The following THSD4 variants were observed in gnomAD, a reference collection of about 807,000 sequenced individuals.
THSD4 encodes thrombospondin type-1 domain-containing protein 4.
In THSD4, 69 loss-of-function variants were observed where a neutral mutation model predicts 119.0. That is an observed-to-expected ratio of 0.58 (90% CI 0.48 to 0.71). THSD4 has a LOEUF of 0.71. Ranked by LOEUF, THSD4 falls within the 30% of genes least tolerant of loss-of-function variation. The pLI, the probability that THSD4 is intolerant of heterozygous loss-of-function variation, is 0.00. For synonymous variants in THSD4, 524 were observed against 540.4 expected (o/e 0.97, Z 0.42); for missense variants, 1,393 against 1,391.1 (o/e 1.00, Z -0.02).
intron 6 of THSD4, among the ~76,000 whole-genome samples, chr15:71,270,090 G>GA (rs1371995484): frequency 6.6e-6 from 1 of 151,860 alleles, no homozygotes; most frequent in South Asian, 2.1e-4. Flanking sequence ...CACAGATTTG[G>GA]AAAAAAACAC....
chr15:71,360,900 T>C (rs2045885280), intron 6 of THSD4, among the ~76,000 whole-genome samples: 1 of 152,224 alleles, frequency 6.6e-6, no homozygotes. Flanking sequence ...GAGATAATTT[T>C]AATGGAAGTT....
intron 3 of THSD4, chr15:71,164,851 T>C (rs2043279888): frequency 5.1e-6 from 8 of 1,580,420 alleles, no homozygotes; most frequent in Non-Finnish European, 6.9e-6. Context: ...CTTCCTCATC[T>C]TCCTCCTCTT....
At chr15:71,312,501 GA>G (rs1348600659) in intron 6 of THSD4, among the ~76,000 whole-genome samples, 3 of 152,072 alleles carry the variant, frequency 2.0e-5, no homozygotes, top group Admixed American at 2.0e-4. Flanking sequence ...GGCCTCGGAG[GA>G]AACGAGTCCT....
chr15:71,121,178 CA>C (rs2040406239), intron 1 of THSD4, among the ~76,000 whole-genome samples: 1 of 152,114 alleles, frequency 6.6e-6, no homozygotes, highest in Non-Finnish European at 1.5e-5. Context: ...CCCGGCCAGG[CA>C]GCAGCGTGGT....
chr15:71,494,788 A>G (rs2047984926), intron 7 of THSD4, among the ~76,000 whole-genome samples: 2 of 152,236 alleles, frequency 1.3e-5, no homozygotes, highest in African/African-American at 4.8e-5. Context: ...TGGTTATTAA[A>G]AGATCCCAGG....
chr15:71,494,565 A>G (rs2047980536), intron 7 of THSD4, among the ~76,000 whole-genome samples: 1 of 149,534 alleles, frequency 6.7e-6, no homozygotes, highest in Non-Finnish European at 1.5e-5. Flanking sequence ...CCGCCACCAC[A>G]CGATGGACCC....
chr15:71,746,195 G>A (rs1046452834), intron 12 of THSD4, among the ~76,000 whole-genome samples: 7 of 151,972 alleles, frequency 4.6e-5, no homozygotes, highest in African/African-American at 1.7e-4. Flanking sequence ...GCAAAAATGA[G>A]TTAATGATCT....
At chr15:71,748,700 C>T in intron 14 of THSD4, 106 bp downstream of exon 14, 1 of 1,382,944 alleles carries the variant, frequency 7.2e-7, no homozygotes, top group Middle Eastern at 2.5e-4. Flanking sequence ...TGATTTCTGG[C>T]TCTGGGGGGA....
chr15:71,540,582 C>A (rs1334702183), intron 7 of THSD4, among the ~76,000 whole-genome samples: 2 of 141,350 alleles, frequency 1.4e-5, no homozygotes, highest in Non-Finnish European at 3.0e-5. Flanking sequence ...GCACGTGCCA[C>A]CACACTCAGC....
intron 6 of THSD4, among the ~76,000 whole-genome samples, chr15:71,410,964 C>T (rs1332397025): frequency 6.6e-6 from 1 of 152,210 alleles, no homozygotes; most frequent in African/African-American, 2.4e-5. Flanking sequence ...AGGAGAATCA[C>T]TTGAACCCGG....
intron 7 of THSD4, among the ~76,000 whole-genome samples, chr15:71,455,920 GC>G (rs2047332829): frequency 6.6e-6 from 1 of 152,122 alleles, no homozygotes; most frequent in African/African-American, 2.4e-5. Context: ...CATTGATCCT[GC>G]CCCGTTGAGG....
At position 71,212,468 on chromosome 15, in the gene THSD4, C is replaced by T. The variant is rs77951471; in HGVS notation, c.100-2567C>T. On this transcript the variant is annotated intron_variant, in intron 3 of 17. Transcript: ENST00000261862. ...TTTGAGTATAGCTGTATGTCTAATC[C>T]AAGTATTATAGGCAGTGTCTTAGTT... Among the ~76,000 whole-genome samples, 1,355 of 152,194 alleles carry T rather than the reference C, an allele frequency of 8.9e-3. 19 individuals are homozygous for T. The highest frequency in any genetic ancestry group is 0.03 in the African/African-American group (1,258 of 41,520).
chr15:71,762,140 C>T (rs1000510695), intron 15 of THSD4, among the ~76,000 whole-genome samples: 13 of 144,714 alleles, frequency 9.0e-5, no homozygotes, highest in South Asian at 2.2e-4. Context: ...CTGTCTCATG[C>T]GCGTGTGCAA....
At chr15:71,114,451 A>G (rs114611112), upstream of THSD4, among the ~76,000 whole-genome samples, 1,011 of 152,312 alleles carry the variant, frequency 6.6e-3, 8 homozygotes, top group African/African-American at 0.023. Context: ...AAACGCCTGT[A>G]TCTGGACAGC....
At chr15:71,585,556 AG>A (rs1175251719) in intron 7 of THSD4, among the ~76,000 whole-genome samples, 1 of 152,176 alleles carries the variant, frequency 6.6e-6, no homozygotes, top group African/African-American at 2.4e-5. Flanking sequence ...GTCTCAGTGA[AG>A]ATCTCTTAAG....
chr15:71,765,275 C>A, intron 16 of THSD4, 76 bp downstream of exon 16: 10 of 1,490,224 alleles, frequency 6.7e-6, no homozygotes, highest in Non-Finnish European at 8.1e-6. Context: ...CCCCTCTGGG[C>A]CAGGCACTGG....
intron 7 of THSD4, among the ~76,000 whole-genome samples, chr15:71,598,838 G>A (rs996421542): frequency 1.3e-5 from 2 of 151,970 alleles, no homozygotes; most frequent in South Asian, 2.1e-4. Context: ...GGCTGGTCTC[G>A]AACTCCTGGG....
At chr15:71,613,938 A>G (rs1223938215) in intron 7 of THSD4, among the ~76,000 whole-genome samples, 1 of 152,182 alleles carries the variant, frequency 6.6e-6, no homozygotes, top group Admixed American at 6.5e-5. Context: ...ACTAGACCAT[A>G]AACTCAATAA....
In THSD4 at chr15:71,369,596, G is replaced by T. The variant is rs528962560; in HGVS notation, c.1016-42091G>T. 3.6e-3 allele frequency among the ~76,000 whole-genome samples: 550 copies of T among 152,266 alleles called. 1 individual carries two copies. The highest frequency in any genetic ancestry group is 0.013 in the African/African-American group (533 of 41,544). On this transcript the variant is annotated intron_variant, in intron 6 of 17. Coordinates refer to ENST00000261862, the MANE Select transcript of THSD4 (RefSeq NM_024817.3). ...TGCTGGATTATGTTTATTGATTTGT[G>T]TATGTTGAACCAGCCTTGCATCCCA... is the stretch of plus-strand genomic sequence containing the variant.
Sources: allele counts gnomAD v4.1 joint callset (sites outside exome capture counted in the v4.1 genomes callset), GRCh38; gene constraint gnomAD v4.1.1; transcripts MANE v1.5; gene names NCBI Gene and HGNC (gene_info 2026-07-23, HGNC 2026-07-21).